Variants in CELF4 observed in about 807,000 individuals in gnomAD.
CELF4 encodes the protein CUG-BP- and ETR-3-like factor 4.
Under a neutral mutation model 59.9 loss-of-function variants are expected in CELF4, and 18 were observed. The ratio of observed to expected loss-of-function variants is 0.30; its 90% CI spans 0.21 to 0.45. The LOEUF is 0.45. CELF4 is among the 20% of genes least tolerant of loss of function. The pLI, the probability that CELF4 is intolerant of heterozygous loss-of-function variation, is 1.00. For missense variants in CELF4, 456 were observed against 689.0 expected, an observed-to-expected ratio of 0.66 and a Z score of 3.79; for synonymous variants, 261 against 267.1, an observed-to-expected ratio of 0.98 and a Z score of 0.22.
At chr18:37,556,712 G>C (rs957077187) in intron 1 of CELF4, among the ~76,000 whole-genome samples, 1 of 152,128 alleles carries the variant, frequency 6.6e-6, no homozygotes, top group East Asian at 1.9e-4. Flanking sequence ...CCCCTTGCTT[G>C]TCCCTGTAAA....
chr18:37,564,412 A>T lies in CELF4; in HGVS notation c.286+944T>A, dbSNP rs184856657. ...CAAGGAGAAAACAGGCAGGCTGCGG[A>T]CAATTCCCATGACCACTTTCCTAAA... is the stretch of plus-strand genomic sequence containing the variant. On this transcript the variant is annotated intron_variant, in intron 1 of 12. Coordinates refer to ENST00000420428, the MANE Select transcript of CELF4 (RefSeq NM_020180.4). 2.6e-5 allele frequency among the ~76,000 whole-genome samples: 4 copies of T among 152,288 alleles called. No homozygotes were observed. In the East Asian group the frequency reaches 5.8e-4, roughly 22 times the overall value.
At chr18:37,255,041 A>T (rs916653632) in intron 11 of CELF4, among the ~76,000 whole-genome samples, 6 of 152,196 alleles carry the variant, frequency 3.9e-5, no homozygotes, top group African/African-American at 1.4e-4. Context: ...AGCTTTGTTT[A>T]ATCTAGTATT....
At chr18:37,352,575 A>T in intron 2 of CELF4, among the ~76,000 whole-genome samples, 1 of 152,040 alleles carries the variant, frequency 6.6e-6, no homozygotes, top group East Asian at 1.9e-4. Flanking sequence ...CCTGAACCAC[A>T]GAATGAGACC....
chr18:37,392,859 C>T (rs914553062), intron 2 of CELF4, among the ~76,000 whole-genome samples: 2 of 152,232 alleles, frequency 1.3e-5, no homozygotes, highest in African/African-American at 4.8e-5. Flanking sequence ...TTTCCCCCGT[C>T]ATCTGCTTCA....
chr18:37,516,375 G>C (rs2099950652), intron 1 of CELF4, among the ~76,000 whole-genome samples: 1 of 152,092 alleles, frequency 6.6e-6, no homozygotes, highest in South Asian at 2.1e-4. Context: ...CAAGTCAGGG[G>C]CCCTGCTAGC....
intron 2 of CELF4, among the ~76,000 whole-genome samples, chr18:37,342,342 A>C (rs772182792): frequency 1.3e-5 from 2 of 152,026 alleles, no homozygotes; most frequent in Non-Finnish European, 2.9e-5. Flanking sequence ...CCCCATAAAG[A>C]TAGCAACCTT....
At chr18:37,355,917 T>C (rs10775460) in intron 2 of CELF4, among the ~76,000 whole-genome samples, 85,797 of 151,992 alleles carry the variant, frequency 0.56, 24,527 homozygotes, top group South Asian at 0.69. Context: ...TGGGGATACC[T>C]ACATGAGATG....
At chr18:37,319,343 C>G (rs2096998065) in intron 3 of CELF4, among the ~76,000 whole-genome samples, 1 of 152,260 alleles carries the variant, frequency 6.6e-6, no homozygotes, top group Non-Finnish European at 1.5e-5. Flanking sequence ...ATCTCTAACC[C>G]TCAACCAACT....
At chr18:37,251,827 C>T (rs771914219) in intron 12 of CELF4, among the ~76,000 whole-genome samples, 1 of 152,184 alleles carries the variant, frequency 6.6e-6, no homozygotes, top group Non-Finnish European at 1.5e-5. Context: ...TCCTTGCATC[C>T]CCCACACTGG....
At chr18:37,493,939 A>G (rs2154603584) in intron 1 of CELF4, among the ~76,000 whole-genome samples, 1 of 151,976 alleles carries the variant, frequency 6.6e-6, no homozygotes, top group South Asian at 2.1e-4. Flanking sequence ...GCTCACTGTG[A>G]CTCTTTCTGC....
intron 12 of CELF4, among the ~76,000 whole-genome samples, chr18:37,250,928 G>C (rs1017801282): frequency 1.3e-5 from 2 of 152,180 alleles, no homozygotes; most frequent in Non-Finnish European, 2.9e-5. Flanking sequence ...GTAGAAAGGA[G>C]GTGGTTAGAT....
At chr18:37,338,443 C>T (rs1462897159) in intron 2 of CELF4, among the ~76,000 whole-genome samples, 1 of 151,200 alleles carries the variant, frequency 6.6e-6, no homozygotes, top group Non-Finnish European at 1.5e-5. Context: ...GTCACTGTCA[C>T]CACTGTCACT....
At chr18:37,260,519 T>C (rs1668952856) in intron 10 of CELF4, among the ~76,000 whole-genome samples, 1 of 152,172 alleles carries the variant, frequency 6.6e-6, no homozygotes, top group African/African-American at 2.4e-5. Flanking sequence ...GCTGGAAACC[T>C]AGGCATGAGC....
intron 1 of CELF4, among the ~76,000 whole-genome samples, chr18:37,536,685 G>A (rs2099973766): frequency 6.6e-6 from 1 of 152,094 alleles, no homozygotes; most frequent in Non-Finnish European, 1.5e-5. Context: ...AGGAGCCCTG[G>A]CCCCAGTCCC....
intron 2 of CELF4, among the ~76,000 whole-genome samples, chr18:37,333,166 A>G (rs2097611280): frequency 6.6e-6 from 1 of 152,138 alleles, no homozygotes; most frequent in African/African-American, 2.4e-5. Flanking sequence ...TGCTCATACA[A>G]GGCGGGGCTG....
chr18:37,306,736 A>G (rs1313387247), intron 3 of CELF4, among the ~76,000 whole-genome samples: 1 of 152,026 alleles, frequency 6.6e-6, no homozygotes, highest in Non-Finnish European at 1.5e-5. Context: ...ATAAAAGGAA[A>G]TGTCCCAGTT....
At chr18:37,454,209 C>T (rs940725014) in intron 2 of CELF4, among the ~76,000 whole-genome samples, 2 of 152,218 alleles carry the variant, frequency 1.3e-5, no homozygotes, top group African/African-American at 4.8e-5. Context: ...TATCCCTTTG[C>T]ATCCCAACAG....
intron 3 of CELF4, among the ~76,000 whole-genome samples, chr18:37,289,797 G>A (rs2095195546): frequency 6.6e-6 from 1 of 152,194 alleles, no homozygotes; most frequent in African/African-American, 2.4e-5. Flanking sequence ...GCTGGACCGG[G>A]TATCTCTGGT....
intron 3 of CELF4, among the ~76,000 whole-genome samples, chr18:37,282,288 A>G (rs2094240044): frequency 6.6e-6 from 1 of 152,132 alleles, no homozygotes; most frequent in Non-Finnish European, 1.5e-5. Context: ...GGTCAGTCAG[A>G]GAAGCCAACA....
Sources: allele counts gnomAD v4.1 joint callset (sites outside exome capture counted in the v4.1 genomes callset), GRCh38; gene constraint gnomAD v4.1.1; transcripts MANE v1.5; gene names NCBI Gene and HGNC (gene_info 2026-07-23, HGNC 2026-07-21).